Variants in TM2D2 observed in about 807,000 individuals in gnomAD.
TM2D2 encodes TM2 domain-containing protein 2.
Under a neutral mutation model 23.0 loss-of-function variants are expected in TM2D2, and 19 were observed. The observed-to-expected ratio is 0.82, with a 90% CI of 0.58 to 1.21. The LOEUF is 1.21. TM2D2 is among the 50% of genes most tolerant of loss of function. TM2D2 has a pLI of 0.00. For missense variants in TM2D2, 246 were observed against 265.4 expected (o/e 0.93, Z 0.51); for synonymous variants, 120 against 108.8 (o/e 1.10, Z -0.64).
rs765099126 is a variant in TM2D2, at chr8:38,996,457, C to T, written c.-18G>A. The T allele has an allele frequency of 8.7e-6, 14 of 1,613,338 alleles. No individual in the cohort carries two copies. Among genetic ancestry groups the T allele is most frequent in the Non-Finnish European group, 2.5e-6 (3 of 1,179,702 alleles). ...AGCACCATCTTCCCGGGCACAGGAG[C>T]GGAGACCCGGCCTCAACCACAACCC... On this transcript the variant is annotated 5_prime_UTR_variant, in exon 1 of 4. Transcript: ENST00000456397.
intron 3 of TM2D2, among the ~76,000 whole-genome samples, chr8:38,993,300 A>G (rs1266642266): frequency 6.6e-6 from 1 of 152,202 alleles, no homozygotes; most frequent in African/African-American, 2.4e-5. Context: ...ATATCAAAAA[A>G]TAACAATGAG....
rs900460465 is a variant in TM2D2 at position 38,989,767 on chromosome 8, C to A, written c.*1565G>T. 9.9e-5 allele frequency: 15 copies of A among 152,044 alleles called. No homozygotes were observed. The highest frequency in any genetic ancestry group is 2.1e-4 in the Non-Finnish European group (14 of 68,004). 9.4% of individuals were successfully genotyped at this position (152,044 alleles called of 1,614,324 possible). On this transcript the variant is annotated 3_prime_UTR_variant, in exon 4 of 4. Coordinates refer to ENST00000456397, the MANE Select transcript of TM2D2 (RefSeq NM_078473.3). ...ATTATAATTTATGTTTTTTAGACTT[C>A]CCTTAGAAATTTTTTTAAAATATAC...
rs1298224920 is a variant in TM2D2, at chr8:38,990,337, GATTTTAT to G, written c.*988_*994del. 2.6e-5 allele frequency: 4 copies of G among 152,118 alleles called. No homozygotes were observed. The highest frequency in any genetic ancestry group is 2.0e-4 in the Admixed American group (3 of 15,264). 9.4% of individuals were successfully genotyped at this position (152,118 alleles called of 1,614,324 possible). A position where few individuals can be genotyped will look rare whatever the true frequency, so the allele number is the denominator to read the frequency against. ...TGACTTGGCCACATTGCCCACCTTT[GATTTTAT>G]ATTTAATAGTTCTTTCAACTTAGAT... On this transcript the variant is annotated 3_prime_UTR_variant, in exon 4 of 4. Transcript: ENST00000456397.
At chr8:38,996,735 CT>C, upstream of TM2D2, 1 of 1,420,918 alleles carries the variant, frequency 7.0e-7, no homozygotes, top group Non-Finnish European at 9.2e-7. Flanking sequence ...GTCGACCCCC[CT>C]AGGTGGGCGT....
chr8:38,991,267 C>T lies in TM2D2; in HGVS notation c.*65G>A. 1 of 1,328,504 alleles carries T rather than the reference C, an allele frequency of 7.5e-7. No homozygotes were observed. Among genetic ancestry groups the T allele is most frequent in the Non-Finnish European group, 1.1e-6 (1 of 939,038 alleles). 82.3% of individuals were successfully genotyped at this position (1,328,504 alleles called of 1,614,324 possible). ...CTGATATCAAAGAGGAGTTTTGAGC[C>T]TGTAGAGATGAATTCAGAAGACGGA... On this transcript the variant is annotated 3_prime_UTR_variant, in exon 4 of 4. Coordinates refer to ENST00000456397, the MANE Select transcript of TM2D2 (RefSeq NM_078473.3).
chr8:38,996,134 C>A (rs905401445), intron 1 of TM2D2, 79 bp downstream of exon 1: 3 of 1,494,120 alleles, frequency 2.0e-6, no homozygotes, highest in East Asian at 2.4e-5. Flanking sequence ...CAGCGTCCCC[C>A]CAACCCTGCC....
intron 2 of TM2D2, chr8:38,995,034 G>A (rs1217138757): frequency 3.0e-6 from 1 of 328,140 alleles, no homozygotes; most frequent in African/African-American, 2.2e-5. Context: ...TTGAAGGAGA[G>A]TCAGGGGTGA....
intron 1 of TM2D2, among the ~76,000 whole-genome samples, 163 bp downstream of exon 1, chr8:38,996,050 C>G (rs1357895651): frequency 6.6e-6 from 1 of 152,208 alleles, no homozygotes; most frequent in Non-Finnish European, 1.5e-5. Context: ...GTTTTCTCTG[C>G]ACGGGCTGTG....
At position 38,996,306 on chromosome 8, in the gene TM2D2, G is replaced by A. The variant is rs372260027; in HGVS notation, c.134C>T (p.Thr45Ile). 18 of 1,614,028 alleles carry A rather than the reference G, an allele frequency of 1.1e-5. No individual in the cohort carries two copies. The highest frequency in any genetic ancestry group is 8.0e-5 in the African/African-American group (6 of 74,946). The change falls in exon 1 of 4, where the codon ACA (threonine) becomes ATA (isoleucine). Residue 45 changes from threonine (T) to isoleucine (I), a missense_variant. Around this residue, in one of 2 missense-constraint regions of TM2D2, gnomAD observed 212 missense variants for 202.2 expected, o/e 1.05. Transcript: ENST00000456397. ...CTCCGGCTGGGCGGCGCCAGCGGAT[G>A]TGAGCTCAGGCTCAGCGGTCGCATT... is the stretch of plus-strand genomic sequence containing the variant. ...SQNATAEPEL[T>I]SAGAAQPEGP...
rs1283225660 is a variant in TM2D2 at position 38,991,293 on chromosome 8, G to C, written c.*39C>G. ...TGTAGAGATGAATTCAGAAGACGGA[G>C]CTTTCACCCGCCTCCCTGGGCCATG... On this transcript the variant is annotated 3_prime_UTR_variant, in exon 4 of 4. Coordinates refer to ENST00000456397, the MANE Select transcript of TM2D2 (RefSeq NM_078473.3). 1 of 1,546,608 alleles carries C rather than the reference G, an allele frequency of 6.5e-7. No individual in the cohort carries two copies. Among genetic ancestry groups the C allele is most frequent in the Non-Finnish European group, 8.9e-7 (1 of 1,125,052 alleles).
intron 2 of TM2D2, 118 bp downstream of exon 2, chr8:38,995,200 G>A (rs1835721977): frequency 2.7e-6 from 2 of 731,748 alleles, no homozygotes; most frequent in Non-Finnish European, 4.4e-6. Context: ...TCCAGTAACG[G>A]TCTTTCTGAG....
In TM2D2 at chr8:38,989,654, G is replaced by A. The variant is rs571455880; in HGVS notation, c.*1678C>T. 8.5e-5 allele frequency: 13 copies of A among 152,278 alleles called. No individual in the cohort carries two copies. The highest frequency in any genetic ancestry group is 3.1e-4 in the African/African-American group (13 of 41,540). The allele number at this position is 152,278 out of a possible 1,614,324, so 9.4% of individuals were successfully genotyped here. A position where few individuals can be genotyped will look rare whatever the true frequency, so the allele number is the denominator to read the frequency against. On this transcript the variant is annotated 3_prime_UTR_variant, in exon 4 of 4. Coordinates refer to ENST00000456397, the MANE Select transcript of TM2D2 (RefSeq NM_078473.3). ...TTATTTTTTAAAGAAAACAACTTTTGGTAGGGTTATGAATATACTTAGGAG... is the reference window on the plus strand; with the variant it reads ...TTATTTTTTAAAGAAAACAACTTTTAGTAGGGTTATGAATATACTTAGGAG...
chr8:38,993,348 C>T (rs1056384621), intron 3 of TM2D2, among the ~76,000 whole-genome samples, 197 bp downstream of exon 3: 16 of 152,142 alleles, frequency 1.1e-4, no homozygotes, highest in African/African-American at 3.1e-4. Flanking sequence ...CCCAGATACT[C>T]GGGAGGCTGA....
intron 1 of TM2D2, chr8:38,995,883 C>A: frequency 1.0e-6 from 1 of 983,136 alleles, no homozygotes; most frequent in Non-Finnish European, 1.3e-6. Flanking sequence ...TTACTCAGTA[C>A]TGGCACCGAA....
At position 38,993,578 on chromosome 8, in the gene TM2D2, C is replaced by CT; in HGVS notation, c.397dup (p.Arg133LysfsTer8). The stretch of plus-strand genomic sequence containing the variant: ...AGGTTTATTTTCTCGTAGAAAGGTC[C>CT]TAGGACTGGCACACTCAATTCCATC... On this transcript the variant is annotated frameshift_variant, in exon 3 of 4. Coordinates refer to ENST00000456397, the MANE Select transcript of TM2D2 (RefSeq NM_078473.3). LOFTEE classifies it high-confidence loss of function. 1 of 1,613,868 alleles carries CT rather than the reference C, an allele frequency of 6.2e-7. No individual in the cohort carries two copies. The highest frequency in any genetic ancestry group is 8.5e-7 in the Non-Finnish European group (1 of 1,179,802).
chr8:38,996,305 T>G lies in TM2D2; in HGVS notation c.135A>C (p.Thr45=). ...SQNATAEPEL[T]SAGAAQPEGP... Reference sequence around the variant, plus strand: ...CCTCCGGCTGGGCGGCGCCAGCGGATGTGAGCTCAGGCTCAGCGGTCGCAT... The same window carrying G: ...CCTCCGGCTGGGCGGCGCCAGCGGAGGTGAGCTCAGGCTCAGCGGTCGCAT... Residue 45 remains threonine (T), a synonymous_variant, in exon 1 of 4, where the codon ACA becomes ACC. Coordinates refer to ENST00000456397, the MANE Select transcript of TM2D2 (RefSeq NM_078473.3). The G allele has an allele frequency of 6.2e-7, 1 of 1,614,106 alleles. No homozygotes were observed. Among genetic ancestry groups the G allele is most frequent in the Non-Finnish European group, 8.5e-7 (1 of 1,180,010 alleles).
At chr8:38,993,894 C>A in intron 2 of TM2D2, 1 of 309,202 alleles carries the variant, frequency 3.2e-6, no homozygotes, top group Non-Finnish European at 6.1e-6. Flanking sequence ...CTGGCTTCTT[C>A]AATAATATAG....
At chr8:38,992,303 CAAAAAAAAAAA>C (rs11332696) in intron 3 of TM2D2, among the ~76,000 whole-genome samples, 2 of 47,392 alleles carry the variant, frequency 4.2e-5, no homozygotes, top group African/African-American at 9.1e-5. Flanking sequence ...CTGTTTCTAC[CAAAAAAAAAAA>C]AAAAAAAAAA....
In TM2D2 at chr8:38,993,539, A is replaced by G. The variant is rs972051073; in HGVS notation, c.431+6T>C. The G allele has an allele frequency of 6.3e-7, 1 of 1,585,034 alleles. No homozygotes were observed. The highest frequency in any genetic ancestry group is 8.7e-7 in the Non-Finnish European group (1 of 1,154,058). ...TACCAACTACTCCAATCAAAGTAAC[A>G]CTTACTTTATACAAGGTTTATTTTC... is the stretch of plus-strand genomic sequence containing the variant. On this transcript the variant is annotated splice_donor_region_variant and intron_variant, in intron 3 of 3. Transcript: ENST00000456397.
Sources: gnomAD v4.1 joint callset for allele counts (sites outside exome capture counted in the v4.1 genomes callset) on GRCh38, gnomAD v4.1.1 for gene constraint, gnomAD v4.1.1 regional missense constraint, MANE v1.5 for transcripts, NCBI Gene and HGNC (gene_info 2026-07-23, HGNC 2026-07-21) for gene names.